RIN3: variants seen among roughly 807,000 people sequenced by gnomAD.
RIN3 encodes the protein RAB5 interacting protein 3.
A neutral mutation model predicts 76.3 loss-of-function variants in RIN3; 54 were observed. That is an observed-to-expected ratio of 0.71 (90% CI 0.57 to 0.89). The LOEUF (loss-of-function observed/expected upper bound fraction) is 0.89. RIN3 is among the 40% of genes least tolerant of loss of function. RIN3 has a pLI of 0.00. For missense variants in RIN3, 1,256 were observed against 1,322.1 expected (o/e 0.95, Z 0.78); for synonymous variants, 576 against 564.0 (o/e 1.02, Z -0.30).
chr14:92,642,593 G>C (rs534825063), intron 5 of RIN3, among the ~76,000 whole-genome samples: 112 of 152,258 alleles, frequency 7.4e-4, no homozygotes, highest in African/African-American at 2.6e-3. Context: ...CAGAACATTG[G>C]TGCCTTGTTC....
At chr14:92,538,611 A>G (rs757302243) in intron 1 of RIN3, among the ~76,000 whole-genome samples, 1 of 152,178 alleles carries the variant, frequency 6.6e-6, no homozygotes, top group Non-Finnish European at 1.5e-5. Context: ...TTTGCATTTT[A>G]AAAGTATCTC....
rs774693220 is a variant in RIN3 at position 92,615,362 on chromosome 14, G to A, written c.368-45G>A. The A allele has an allele frequency of 2.6e-6, 4 of 1,547,338 alleles. No homozygotes were observed. The South Asian group carries it at 4.5e-5, about 17-fold the overall frequency. On this transcript the variant is annotated intron_variant, in intron 3 of 9. Transcript: ENST00000216487. ...GCCACCTCCTTCCCCCATTTTCCTT[G>A]GCAGGATACTCACCTCACCCAGGGC...
chr14:92,672,366 C>T (rs1408492695), intron 7 of RIN3, among the ~76,000 whole-genome samples: 2 of 152,072 alleles, frequency 1.3e-5, no homozygotes, highest in African/African-American at 2.4e-5. Context: ...GAGCCGAGAT[C>T]GTGCCACTGC....
rs1402070068 is a variant in RIN3 at position 92,607,386 on chromosome 14, G to A, written c.368-8021G>A. Among the ~76,000 whole-genome samples the A allele has an allele frequency of 2.6e-5, 4 of 152,272 alleles. No homozygotes were observed. In the East Asian group the frequency reaches 7.7e-4, roughly 29 times the overall value. The stretch of plus-strand genomic sequence containing the variant: ...AGGCTGGACATGGCAGCTCATGCCG[G>A]TAATTCCAGCGTTTTGGGAGACCAA... On this transcript the variant is annotated intron_variant, in intron 3 of 9. Coordinates refer to ENST00000216487, the MANE Select transcript of RIN3 (RefSeq NM_024832.5).
At chr14:92,664,437 G>A (rs1261331539) in intron 7 of RIN3, among the ~76,000 whole-genome samples, 3 of 135,194 alleles carry the variant, frequency 2.2e-5, no homozygotes, top group African/African-American at 8.2e-5. Context: ...GCGCGATCTC[G>A]GCTCACTGCA....
chr14:92,634,909 G>T (rs1886721159), intron 4 of RIN3, among the ~76,000 whole-genome samples: 1 of 151,946 alleles, frequency 6.6e-6, no homozygotes, highest in East Asian at 1.9e-4. Flanking sequence ...TGATGCTAGG[G>T]ACTCTTGGTT....
intron 8 of RIN3, among the ~76,000 whole-genome samples, chr14:92,678,093 C>T (rs1888532474): frequency 6.6e-6 from 1 of 150,740 alleles, no homozygotes; most frequent in Admixed American, 6.6e-5. Flanking sequence ...CATCCATTCA[C>T]CCATCCATCT....
At chr14:92,604,436 G>A (rs1036938082) in intron 3 of RIN3, among the ~76,000 whole-genome samples, 1 of 152,198 alleles carries the variant, frequency 6.6e-6, no homozygotes, top group Non-Finnish European at 1.5e-5. Flanking sequence ...GGTTGGCTCA[G>A]TAGTGTTACA....
chr14:92,618,975 A>G (rs569370910), intron 4 of RIN3, among the ~76,000 whole-genome samples: 2 of 152,348 alleles, frequency 1.3e-5, no homozygotes, highest in South Asian at 4.1e-4. Context: ...AATTAGGTAC[A>G]TAGCACTGAG....
At position 92,685,270 on chromosome 14, in the gene RIN3, G is replaced by T; in HGVS notation, c.2631+120G>T. 4 of 1,119,840 alleles carry T rather than the reference G, an allele frequency of 3.6e-6. No individual in the cohort carries two copies. Among genetic ancestry groups the T allele is most frequent in the Non-Finnish European group, 5.0e-6 (4 of 801,906 alleles). 69.4% of individuals were successfully genotyped at this position (1,119,840 alleles called of 1,614,324 possible). A position where few individuals can be genotyped will look rare whatever the true frequency, so the allele number is the denominator to read the frequency against. On this transcript the variant is annotated intron_variant, in intron 9 of 9. Coordinates refer to ENST00000216487, the MANE Select transcript of RIN3 (RefSeq NM_024832.5). The surrounding 1 kb of genome is among the most constrained non-coding windows in gnomAD (Gnocchi z 4.7). ...CTCCAGCCGCCCAGCCCTGCCTTAG[G>T]GGAGCAGTGAGACTCCCCACACCAG... is the stretch of plus-strand genomic sequence containing the variant.
intron 1 of RIN3, among the ~76,000 whole-genome samples, chr14:92,515,968 G>A (rs1286100760): frequency 6.6e-6 from 1 of 152,174 alleles, no homozygotes; most frequent in Non-Finnish European, 1.5e-5. Context: ...TGTCTGCCCA[G>A]GGTCCAGTGC....
intron 4 of RIN3, among the ~76,000 whole-genome samples, chr14:92,629,190 C>T (rs1232752455): frequency 6.6e-6 from 1 of 151,606 alleles, no homozygotes; most frequent in African/African-American, 2.4e-5. Flanking sequence ...CTGTATGGAG[C>T]AGAAAGGAAA....
Position 92,641,275 on chromosome 14 carries a change from A to G in RIN3, c.478A>G (p.Ile160Val), listed in dbSNP as rs146503912. Reference protein sequence around the residue: ...LPFTLRLPQAILEASSFTDLE... With the variant: ...LPFTLRLPQAVLEASSFTDLE... The stretch of plus-strand genomic sequence containing the variant: ...CTTCACACTGCGGCTACCCCAGGCC[A>G]TCCTTGAGGCCAGCAGCTTCACGGA... Residue 160 changes from isoleucine (I) to valine (V), a missense_variant, in exon 5 of 10, where the codon ATC becomes GTC. Transcript: ENST00000216487. 3 of 1,614,106 alleles carry G rather than the reference A, an allele frequency of 1.9e-6. No individual in the cohort carries two copies. Among genetic ancestry groups the G allele is most frequent in the African/African-American group, 1.3e-5 (1 of 75,018 alleles).
chr14:92,667,172 A>T (rs939659583), intron 7 of RIN3, among the ~76,000 whole-genome samples: 2 of 152,150 alleles, frequency 1.3e-5, no homozygotes. Flanking sequence ...GGTAGAGAGG[A>T]CAGGGAGGGA....
intron 4 of RIN3, among the ~76,000 whole-genome samples, chr14:92,625,982 T>C (rs961206635): frequency 4.6e-5 from 7 of 152,220 alleles, no homozygotes; most frequent in African/African-American, 1.7e-4. Context: ...GTAGCTTTAA[T>C]ATTCCTTGCC....
chr14:92,590,224 A>G (rs989932275), intron 3 of RIN3, among the ~76,000 whole-genome samples: 4 of 152,238 alleles, frequency 2.6e-5, no homozygotes, highest in Non-Finnish European at 5.9e-5. Context: ...CAAAAGGAAC[A>G]TTTTGGAAAT....
At chr14:92,647,923 G>C (rs1489757894) in intron 5 of RIN3, among the ~76,000 whole-genome samples, 1 of 152,092 alleles carries the variant, frequency 6.6e-6, no homozygotes, top group Non-Finnish European at 1.5e-5. Flanking sequence ...GCAAGGATGG[G>C]CCCTTCTTTA....
chr14:92,576,614 T>A (rs1372625194), intron 2 of RIN3, among the ~76,000 whole-genome samples: 1 of 152,148 alleles, frequency 6.6e-6, no homozygotes, highest in East Asian at 1.9e-4. Flanking sequence ...CCAGAGCGTG[T>A]CCTGTGGGCC....
In RIN3 at chr14:92,676,723, G is replaced by A. The variant is rs1294220888; in HGVS notation, c.2467+117G>A. ...GGATGCCAGACTCTGGCTGAGCTCTGGACCCATGGATGCAAATGTGAATCC... is the reference window on the plus strand; with the variant it reads ...GGATGCCAGACTCTGGCTGAGCTCTAGACCCATGGATGCAAATGTGAATCC... On this transcript the variant is annotated intron_variant, in intron 8 of 9. Coordinates refer to ENST00000216487, the MANE Select transcript of RIN3 (RefSeq NM_024832.5). 6.2e-6 allele frequency: 7 copies of A among 1,122,078 alleles called. No homozygotes were observed. The East Asian group carries it at 1.5e-4, about 25-fold the overall frequency. 69.5% of individuals were successfully genotyped at this position (1,122,078 alleles called of 1,614,324 possible).
Sources: allele counts gnomAD v4.1 joint callset (sites outside exome capture counted in the v4.1 genomes callset), GRCh38; gene constraint gnomAD v4.1.1; non-coding constraint Gnocchi (gnomAD v3.1); transcripts MANE v1.5; gene names NCBI Gene and HGNC (gene_info 2026-07-23, HGNC 2026-07-21).